The following PLEKHG1 variants were observed in gnomAD, a reference collection of about 807,000 sequenced individuals.
PLEKHG1 encodes pleckstrin homology and RhoGEF domain containing G1.
Under a neutral mutation model 100.8 loss-of-function variants are expected in PLEKHG1, and 44 were observed. That is an observed-to-expected ratio of 0.44 (90% confidence interval 0.34 to 0.56). PLEKHG1 has a LOEUF of 0.56. PLEKHG1 is among the 20% of genes least tolerant of loss of function. The pLI, the probability that PLEKHG1 is intolerant of heterozygous loss-of-function variation, is 0.01. For synonymous variants in PLEKHG1, 640 were observed against 662.5 expected (o/e 0.97, Z 0.52); for missense variants, 1,545 against 1,720.9 (o/e 0.90, Z 1.81).
chr6:150,649,165 C>T (rs923444914), intron 2 of PLEKHG1, among the ~76,000 whole-genome samples: 7 of 152,118 alleles, frequency 4.6e-5, no homozygotes, highest in African/African-American at 1.7e-4. Flanking sequence ...AATGAAACTG[C>T]ATTGTTTTTA....
exon 8 of PLEKHG1, chr6:150,809,264 T>C (rs745730883): frequency 1.2e-6 from 2 of 1,614,060 alleles, no homozygotes; most frequent in South Asian, 1.1e-5. Flanking sequence ...AGATGACACG[T>C]TTACATACAA....
intron 3 of PLEKHG1, among the ~76,000 whole-genome samples, chr6:150,657,142 C>A (rs1779002566): frequency 6.6e-6 from 1 of 151,980 alleles, no homozygotes; most frequent in African/African-American, 2.4e-5. Flanking sequence ...CTTGACAGAT[C>A]CTGATGGACT....
At chr6:150,694,572 C>T (rs575781719) in intron 3 of PLEKHG1, among the ~76,000 whole-genome samples, 10 of 151,636 alleles carry the variant, frequency 6.6e-5, no homozygotes, top group African/African-American at 1.7e-4. Flanking sequence ...TGGGGGTGGG[C>T]GCCTGTAATC....
chr6:150,674,084 TTGAA>T (rs1779661604), intron 3 of PLEKHG1, among the ~76,000 whole-genome samples: 1 of 152,240 alleles, frequency 6.6e-6, no homozygotes. Context: ...AAAAGAATCT[TTGAA>T]TGTGTATCAG....
At chr6:150,613,632 C>T (rs1776941814) in intron 1 of PLEKHG1, among the ~76,000 whole-genome samples, 1 of 152,208 alleles carries the variant, frequency 6.6e-6, no homozygotes, top group Non-Finnish European at 1.5e-5. Context: ...TGCCCATACC[C>T]TCCTGGCTTC....
chr6:150,776,924 C>T (rs184241968), intron 3 of PLEKHG1, among the ~76,000 whole-genome samples: 11 of 149,952 alleles, frequency 7.3e-5, no homozygotes, highest in African/African-American at 2.2e-4. Context: ...TGCACATGTG[C>T]GGTTTCACAT....
rs767762657 is a variant in PLEKHG1 at position 150,733,614 on chromosome 6, C to G, written c.-68C>G. 6.2e-7 allele frequency: 1 copy of G among 1,613,400 alleles called. No individual in the cohort carries two copies. ...CACCAGTTGCGTCTTGAAGTGCCAT[C>G]AGCTGTAACCAAAGTTCCACATCCC... On this transcript the variant is annotated 5_prime_UTR_variant, in exon 2 of 16. The change creates a new upstream start codon in the 5' untranslated region. Coordinates refer to ENST00000358517, the Ensembl canonical transcript of PLEKHG1.
chr6:150,807,941 C>T (rs1159203036), intron 7 of PLEKHG1, among the ~76,000 whole-genome samples: 2 of 152,040 alleles, frequency 1.3e-5, no homozygotes, highest in Non-Finnish European at 2.9e-5. Context: ...TGCACTCCAG[C>T]CTGGACAACA....
intron 4 of PLEKHG1, among the ~76,000 whole-genome samples, chr6:150,790,181 C>T (rs1039112276): frequency 6.6e-6 from 1 of 152,076 alleles, no homozygotes; most frequent in African/African-American, 2.4e-5. Context: ...GCCACCACAC[C>T]CGGCTAATTT....
intron 3 of PLEKHG1, among the ~76,000 whole-genome samples, chr6:150,701,733 T>C (rs1317732584): frequency 6.6e-6 from 1 of 151,366 alleles, no homozygotes; most frequent in Non-Finnish European, 1.5e-5. Flanking sequence ...CCTGTGACTG[T>C]TTCCATGTTG....
In PLEKHG1 at chr6:150,734,097, G is replaced by C; in HGVS notation, c.411+5G>C. ...GATTTAAAAAGCATCGTAGAGGTAA[G>C]ACCGACTTCGCTTTTAATGTTTGCC... On this transcript the variant is annotated splice_donor_5th_base_variant and intron_variant, in intron 2 of 15. Coordinates refer to ENST00000358517, the Ensembl canonical transcript of PLEKHG1. 4.4e-6 allele frequency: 7 copies of C among 1,594,462 alleles called. No homozygotes were observed. The highest frequency in any genetic ancestry group is 6.0e-6 in the Non-Finnish European group (7 of 1,168,262).
intron 10 of PLEKHG1, among the ~76,000 whole-genome samples, chr6:150,815,447 G>A (rs1292304292): frequency 6.6e-6 from 1 of 152,226 alleles, no homozygotes; most frequent in African/African-American, 2.4e-5. Context: ...AGTATATGTG[G>A]TAAATAAATT....
chr6:150,710,279 A>G (rs1038504597), intron 3 of PLEKHG1, among the ~76,000 whole-genome samples: 1 of 152,200 alleles, frequency 6.6e-6, no homozygotes, highest in Non-Finnish European at 1.5e-5. Flanking sequence ...GGCCCCTGGA[A>G]GTAGCCAGAC....
Position 150,708,154 on chromosome 6 carries a change from A to G in PLEKHG1, c.-98-25430A>G, listed in dbSNP as rs540724155. On this transcript the variant is annotated intron_variant, in intron 3 of 3. Coordinates refer to the PLEKHG1 transcript ENST00000367326. ...GGATCTCACAGCCAAGTTGCCTGGC[A>G]TATTACATCTCTTGGTTTTGGTTTT... Among the ~76,000 whole-genome samples, 3 of 152,102 alleles carry G rather than the reference A, an allele frequency of 2.0e-5. No individual in the cohort carries two copies. The South Asian group carries it at 6.2e-4, about 32-fold the overall frequency.
At chr6:150,781,143 G>A (rs1178387952) in intron 3 of PLEKHG1, among the ~76,000 whole-genome samples, 1 of 150,886 alleles carries the variant, frequency 6.6e-6, no homozygotes, top group African/African-American at 2.4e-5. Flanking sequence ...CCAAAGTGCT[G>A]GGATTACAGG....
chr6:150,653,527 G>A (rs1187601982), intron 3 of PLEKHG1, among the ~76,000 whole-genome samples: 1 of 152,106 alleles, frequency 6.6e-6, no homozygotes, highest in Non-Finnish European at 1.5e-5. Flanking sequence ...TGGATCGCTT[G>A]AGCCTAGGAG....
chr6:150,615,006 C>T (rs1331456237), intron 1 of PLEKHG1, among the ~76,000 whole-genome samples: 1 of 152,130 alleles, frequency 6.6e-6, no homozygotes, highest in African/African-American at 2.4e-5. Flanking sequence ...AATGAATGAC[C>T]GAATTACCCT....
intron 1 of PLEKHG1, among the ~76,000 whole-genome samples, chr6:150,607,489 A>T (rs575798858): frequency 6.6e-6 from 1 of 152,234 alleles, no homozygotes; most frequent in African/African-American, 2.4e-5. Context: ...ATGTTGTGCT[A>T]AAGTATTAGA....
At chr6:150,708,971 C>T (rs7772795) in intron 3 of PLEKHG1, among the ~76,000 whole-genome samples, 12,124 of 152,210 alleles carry the variant, frequency 0.08, 589 homozygotes, top group South Asian at 0.16. Flanking sequence ...CAGATGATGT[C>T]GTCGAAAAAT....
Sources: gnomAD v4.1 joint callset for allele counts (sites outside exome capture counted in the v4.1 genomes callset) on GRCh38, gnomAD v4.1.1 for gene constraint, MANE v1.5 for transcripts, NCBI Gene and HGNC (gene_info 2026-07-23, HGNC 2026-07-21) for gene names.